Variants in AXDND1 observed in about 807,000 individuals in gnomAD.
AXDND1 encodes axonemal dynein light chain domain containing 1, also known as axonemal dynein light chain domain-containing protein 1.
Under a neutral mutation model 137.5 loss-of-function variants are expected in AXDND1, and 110 were observed. The ratio of observed to expected loss-of-function variants is 0.80; its 90% CI spans 0.69 to 0.94. The LOEUF (loss-of-function observed/expected upper bound fraction) is 0.94, where lower values mean the gene tolerates loss of function less well. Among genes scored for constraint, AXDND1 ranks in the 40% least tolerant of loss-of-function variants. The pLI is 0.00. For synonymous variants in AXDND1, 414 were observed against 399.7 expected, an observed-to-expected ratio of 1.04 and a Z score of -0.43; for missense variants, 1,191 against 1,169.8, an observed-to-expected ratio of 1.02 and a Z score of -0.26.
chr1:179,453,173 AG>A (rs1393067077), intron 16 of AXDND1: 1 of 152,302 alleles, frequency 6.6e-6, no homozygotes, highest in East Asian at 1.9e-4. Flanking sequence ...CTGCAGGGGC[AG>A]GGCCCTCATG....
chr1:179,553,139 C>A (rs894408455), intron 25 of AXDND1, among the ~76,000 whole-genome samples: 2 of 152,154 alleles, frequency 1.3e-5, no homozygotes, highest in Non-Finnish European at 2.9e-5. Flanking sequence ...ATAAAAGGTA[C>A]AAAATTGTCT....
At chr1:179,366,637 A>C in intron 2 of AXDND1, 31 bp downstream of exon 2, 1 of 1,548,474 alleles carries the variant, frequency 6.5e-7, no homozygotes, top group South Asian at 1.1e-5. Context: ...AGTCATAAAC[A>C]GTCATGGCCG....
intron 17 of AXDND1, among the ~76,000 whole-genome samples, chr1:179,482,098 A>ATTTTTTTTTTTTTTTTTTTTT (rs57145549): frequency 9.3e-6 from 1 of 108,070 alleles, no homozygotes; most frequent in Non-Finnish European, 1.8e-5. Flanking sequence ...GAGCTTTTTA[A>ATTTTTTTTTTTTTTTTTTTTT]TTTTTTTTTT....
intron 12 of AXDND1, among the ~76,000 whole-genome samples, chr1:179,428,548 C>T (rs1444137670): frequency 6.6e-6 from 1 of 152,256 alleles, no homozygotes; most frequent in African/African-American, 2.4e-5. Context: ...GGCAGGAGGC[C>T]TCTATGAGAC....
chr1:179,435,840 G>A (rs373799458), intron 15 of AXDND1, among the ~76,000 whole-genome samples: 3 of 152,170 alleles, frequency 2.0e-5, no homozygotes, highest in Non-Finnish European at 4.4e-5. Flanking sequence ...TGACAAATGG[G>A]ATCTAATTAG....
rs113534946 is a variant in AXDND1, at chr1:179,461,713, C to G, written c.1799-6730C>G. Among the ~76,000 whole-genome samples, 1,003 of 152,148 alleles carry G rather than the reference C, an allele frequency of 6.6e-3. 14 individuals are homozygous for G. The highest frequency in any genetic ancestry group is 0.023 in the African/African-American group (961 of 41,476). On this transcript the variant is annotated intron_variant, in intron 16 of 25. Coordinates refer to ENST00000367618, the MANE Select transcript of AXDND1 (RefSeq NM_144696.6). ...GAGTGTTCTGCCGTTTGTCTGTGTC[C>G]TCTTTTATTTTGTTGAGCAGAGGTT...
intron 25 of AXDND1, among the ~76,000 whole-genome samples, chr1:179,542,088 C>T (rs575571694): frequency 1.3e-5 from 2 of 152,098 alleles, no homozygotes; most frequent in East Asian, 1.9e-4. Context: ...TTTTTTGGTA[C>T]GTGTTTGACT....
chr1:179,432,364 C>G (rs556776347), intron 15 of AXDND1, 22 bp downstream of exon 15: 1 of 1,542,020 alleles, frequency 6.5e-7, no homozygotes, highest in East Asian at 2.3e-5. Flanking sequence ...TAATAAAGAG[C>G]TTGGCAATCA....
chr1:179,511,253 A>G (rs958487839), intron 21 of AXDND1, among the ~76,000 whole-genome samples: 3 of 151,674 alleles, frequency 2.0e-5, no homozygotes, highest in Admixed American at 2.0e-4. Context: ...GTAGCATTCC[A>G]TCATATATAT....
At chr1:179,497,565 C>T (rs1457925041) in intron 20 of AXDND1, among the ~76,000 whole-genome samples, 1 of 152,080 alleles carries the variant, frequency 6.6e-6, no homozygotes, top group Non-Finnish European at 1.5e-5. Context: ...GAATTCAGGG[C>T]AAAAGCTTGA....
intron 16 of AXDND1, among the ~76,000 whole-genome samples, chr1:179,446,156 C>T (rs946035346): frequency 3.9e-5 from 6 of 152,116 alleles, no homozygotes; most frequent in South Asian, 2.1e-4. Context: ...AATGTCTGCT[C>T]AGGTACTTTG....
intron 16 of AXDND1, among the ~76,000 whole-genome samples, chr1:179,459,797 CTCTT>C (rs137916083): frequency 1.5e-5 from 2 of 130,188 alleles, no homozygotes; most frequent in Non-Finnish European, 3.2e-5. Context: ...CTTTCTCTCT[CTCTT>C]TCTTTCCTTC....
chr1:179,468,656 G>A lies in AXDND1; in HGVS notation c.1997+15G>A, dbSNP rs1466399469. 4 of 1,567,730 alleles carry A rather than the reference G, an allele frequency of 2.6e-6. No homozygotes were observed. The South Asian group carries it at 3.6e-5, about 14-fold the overall frequency. The stretch of plus-strand genomic sequence containing the variant: ...GATTCTGTTTCGTAAGTTCCCATAG[G>A]TTTCTTTTGTTCTGAGATAATTTTC... On this transcript the variant is annotated intron_variant, in intron 17 of 25. Coordinates refer to ENST00000367618, the MANE Select transcript of AXDND1 (RefSeq NM_144696.6).
chr1:179,541,822 G>GA (rs1672194333), intron 25 of AXDND1, among the ~76,000 whole-genome samples: 2 of 151,962 alleles, frequency 1.3e-5, no homozygotes, highest in African/African-American at 2.4e-5. Flanking sequence ...AGAAAAAATA[G>GA]AAACAACCTA....
chr1:179,380,097 A>G (rs1647995925), intron 6 of AXDND1, among the ~76,000 whole-genome samples: 1 of 151,766 alleles, frequency 6.6e-6, no homozygotes, highest in African/African-American at 2.4e-5. Flanking sequence ...AAAATACAAA[A>G]AAATAGCCGG....
At chr1:179,456,890 A>G in intron 16 of AXDND1, 1 of 962,504 alleles carries the variant, frequency 1.0e-6, no homozygotes, top group Non-Finnish European at 1.7e-6. Flanking sequence ...CAAAGGTTAC[A>G]AAGGCAAAGC....
chr1:179,459,985 TTC>T (rs1662061716), intron 16 of AXDND1, among the ~76,000 whole-genome samples: 1 of 142,918 alleles, frequency 7.0e-6, no homozygotes, highest in East Asian at 2.3e-4. Flanking sequence ...TTTTCTTTCT[TTC>T]TTTCCTTCCT....
intron 20 of AXDND1, among the ~76,000 whole-genome samples, chr1:179,496,230 G>T (rs1200810667): frequency 6.6e-6 from 1 of 151,918 alleles, no homozygotes; most frequent in East Asian, 1.9e-4. Context: ...CTTTTAAAAT[G>T]AGTTAAGAAG....
chr1:179,449,897 T>G (rs1660292053), intron 16 of AXDND1: 1 of 152,018 alleles, frequency 6.6e-6, no homozygotes, highest in African/African-American at 2.4e-5. Context: ...TTCTAATAGT[T>G]TCTGGTTTTT....
Sources: allele counts gnomAD v4.1 joint callset (sites outside exome capture counted in the v4.1 genomes callset), GRCh38; gene constraint gnomAD v4.1.1; transcripts MANE v1.5; gene names NCBI Gene and HGNC (gene_info 2026-07-23, HGNC 2026-07-21).